The following NRG4 variants were observed in gnomAD, a reference collection of about 807,000 sequenced individuals.
The protein encoded by NRG4 is pro-neuregulin-4, membrane-bound isoform.
A neutral mutation model predicts 15.0 loss-of-function variants in NRG4; 10 were observed. The ratio of observed to expected loss-of-function variants is 0.67; its 90% CI spans 0.41 to 1.13. NRG4 has a LOEUF of 1.13. Ranked by LOEUF, NRG4 falls within the 50% of genes most tolerant of loss-of-function variation. The pLI is 0.00. For missense variants in NRG4, 139 were observed against 140.2 expected (o/e 0.99, Z 0.04); for synonymous variants, 41 against 50.1 (o/e 0.82, Z 0.77).
intron 4 of NRG4, among the ~76,000 whole-genome samples, chr15:76,051,908 C>T (rs1422227837): frequency 6.6e-6 from 1 of 150,770 alleles, no homozygotes; most frequent in Non-Finnish European, 1.5e-5. Context: ...TCTTCTCAAA[C>T]AGAACTGAAA....
intron 2 of NRG4, among the ~76,000 whole-genome samples, chr15:76,010,593 G>A (rs941229658): frequency 1.3e-5 from 2 of 151,990 alleles, no homozygotes; most frequent in African/African-American, 4.8e-5. Context: ...CAGAGAACTG[G>A]TGAAAAAGAA....
chr15:76,040,898 C>T (rs1419529176), intron 4 of NRG4, among the ~76,000 whole-genome samples: 1 of 152,162 alleles, frequency 6.6e-6, no homozygotes, highest in African/African-American at 2.4e-5. Flanking sequence ...GCACTCTAGC[C>T]TGGGTGACAA....
intron 3 of NRG4, among the ~76,000 whole-genome samples, chr15:76,052,343 A>G (rs2036039707): frequency 6.6e-6 from 1 of 151,162 alleles, no homozygotes; most frequent in Non-Finnish European, 1.5e-5. Context: ...CTTTGTTGAC[A>G]TGTTTAATTT....
At chr15:75,975,102 T>A (rs2033304011) in intron 3 of NRG4, among the ~76,000 whole-genome samples, 1 of 152,240 alleles carries the variant, frequency 6.6e-6, no homozygotes, top group African/African-American at 2.4e-5. Context: ...TACCATTATG[T>A]AATACCCTTC....
chr15:76,000,544 C>T (rs908767167), intron 3 of NRG4, among the ~76,000 whole-genome samples: 13 of 152,188 alleles, frequency 8.5e-5, no homozygotes, highest in Non-Finnish European at 1.5e-4. Context: ...TAGAAAAACA[C>T]GTACCCAAAT....
chr15:76,024,272 GAC>G (rs1038249889), intron 5 of NRG4, among the ~76,000 whole-genome samples: 5 of 152,196 alleles, frequency 3.3e-5, no homozygotes, highest in African/African-American at 1.2e-4. Flanking sequence ...GCACCTGGCA[GAC>G]ACACTCCCAG....
intron 3 of NRG4, among the ~76,000 whole-genome samples, chr15:76,003,813 C>A (rs1186913216): frequency 1.3e-5 from 2 of 152,134 alleles, no homozygotes; most frequent in African/African-American, 2.4e-5. Context: ...AACAAAACAA[C>A]TGGAACCAAG....
At chr15:75,935,940 A>G (rs1351275074), downstream of NRG4, 1 of 151,916 alleles carries the variant, frequency 6.6e-6, no homozygotes, top group Non-Finnish European at 1.5e-5. Context: ...GGCGCCCGCC[A>G]CCGCGCCCGG....
chr15:75,991,784 G>A (rs1438763744), intron 3 of NRG4, among the ~76,000 whole-genome samples: 1 of 151,998 alleles, frequency 6.6e-6, no homozygotes, highest in African/African-American at 2.4e-5. Context: ...ATGATTGCAT[G>A]TCTTCCTGAT....
At position 75,976,762 on chromosome 15, in the gene NRG4, G is replaced by A. The variant is rs143379135; in HGVS notation, c.105-14788C>T. On this transcript the variant is annotated intron_variant, in intron 3 of 5. Transcript: ENST00000394907. Reference sequence around the variant, plus strand: ...CAGAGGTCTCCTGTATGAGATGTCTGTTGACCCCTGCTGGGAGGTGTCTCC... The same window carrying A: ...CAGAGGTCTCCTGTATGAGATGTCTATTGACCCCTGCTGGGAGGTGTCTCC... 4.9e-3 allele frequency among the ~76,000 whole-genome samples: 749 copies of A among 152,312 alleles called. 10 individuals carry two copies. Among genetic ancestry groups the A allele is most frequent in the Middle Eastern group, 0.01 (3 of 294 alleles).
upstream of NRG4, among the ~76,000 whole-genome samples, chr15:76,012,735 C>T (rs1596023737): frequency 1.3e-5 from 2 of 151,988 alleles, no homozygotes; most frequent in South Asian, 4.2e-4. Context: ...AAGTGTTTCA[C>T]AAATTAAAAA....
chr15:76,057,820 TAATATA>T (rs1408064608), intron 1 of NRG4, among the ~76,000 whole-genome samples: 3 of 150,304 alleles, frequency 2.0e-5, no homozygotes, highest in Non-Finnish European at 4.4e-5. Context: ...TATAAATACA[TAATATA>T]AATATTTATA....
intron 2 of NRG4, among the ~76,000 whole-genome samples, chr15:76,056,131 T>G (rs2036144967): frequency 6.6e-6 from 1 of 152,150 alleles, no homozygotes; most frequent in South Asian, 2.1e-4. Context: ...GCTAAAGTCA[T>G]CTCAACAGGA....
chr15:76,041,742 A>T (rs2035745874), intron 4 of NRG4, among the ~76,000 whole-genome samples: 1 of 152,200 alleles, frequency 6.6e-6, no homozygotes, highest in Non-Finnish European at 1.5e-5. Flanking sequence ...TGGAGATTCA[A>T]CACCCCACTT....
chr15:76,008,517 T>C (rs189563555), intron 3 of NRG4, among the ~76,000 whole-genome samples: 2 of 152,292 alleles, frequency 1.3e-5, no homozygotes, highest in Admixed American at 6.5e-5. Flanking sequence ...CTCCACAGTA[T>C]AGGGCAGTAC....
chr15:75,976,872 G>C (rs1202931653), intron 3 of NRG4, among the ~76,000 whole-genome samples: 2 of 152,212 alleles, frequency 1.3e-5, no homozygotes, highest in African/African-American at 4.8e-5. Flanking sequence ...TGGGAGATCT[G>C]CTGCTCTCTT....
At position 75,979,414 on chromosome 15, in the gene NRG4, A is replaced by C. The variant is rs554665241; in HGVS notation, c.105-17440T>G. On this transcript the variant is annotated intron_variant, in intron 3 of 5. Coordinates refer to ENST00000394907, the MANE Select transcript of NRG4 (RefSeq NM_138573.4). Reference sequence around the variant, plus strand: ...CTTTTTCTGTAGTTGGGCTGTTTTAATAAACATTTATTTGAACACATGGGT... The same window carrying C: ...CTTTTTCTGTAGTTGGGCTGTTTTACTAAACATTTATTTGAACACATGGGT... Among the ~76,000 whole-genome samples the C allele has an allele frequency of 3.9e-5, 6 of 152,174 alleles. No homozygotes were observed. In the South Asian group the frequency reaches 1.2e-3, roughly 32 times the overall value.
At chr15:76,013,030 T>C (rs190807164), upstream of NRG4, among the ~76,000 whole-genome samples, 6 of 152,330 alleles carry the variant, frequency 3.9e-5, no homozygotes, top group East Asian at 1.2e-3. Context: ...AAAACTGTAA[T>C]TTTGTTTAAA....
At chr15:75,986,505 A>G (rs1224455936) in intron 3 of NRG4, among the ~76,000 whole-genome samples, 1 of 152,172 alleles carries the variant, frequency 6.6e-6, no homozygotes, top group African/African-American at 2.4e-5. Flanking sequence ...TTGACATGAA[A>G]TGATCTCCAA....
Sources: allele counts gnomAD v4.1 joint callset (sites outside exome capture counted in the v4.1 genomes callset), GRCh38; gene constraint gnomAD v4.1.1; transcripts MANE v1.5; gene names NCBI Gene and HGNC (gene_info 2026-07-23, HGNC 2026-07-21).